Variants in ZFPM2 observed in about 807,000 individuals in gnomAD.
The protein encoded by ZFPM2 is zinc finger protein ZFPM2.
A neutral mutation model predicts 98.6 loss-of-function variants in ZFPM2; 20 were observed. The observed-to-expected ratio is 0.20, with a 90% CI of 0.14 to 0.29. ZFPM2 has a LOEUF of 0.29. ZFPM2 is among the 10% of genes least tolerant of loss of function. ZFPM2 has a pLI of 1.00. For synonymous variants in ZFPM2, 518 were observed against 502.7 expected (o/e 1.03, Z -0.41); for missense variants, 1,310 against 1,388.6 (o/e 0.94, Z 0.90).
At chr8:105,438,868 T>C (rs1277691392) in intron 2 of ZFPM2, among the ~76,000 whole-genome samples, 1 of 152,212 alleles carries the variant, frequency 6.6e-6, no homozygotes, top group African/African-American at 2.4e-5. Flanking sequence ...TCTCTTTTTG[T>C]GCTTCTGGTC....
intron 3 of ZFPM2, among the ~76,000 whole-genome samples, chr8:105,546,034 G>A (rs190164919): frequency 1.3e-5 from 2 of 152,210 alleles, no homozygotes; most frequent in Admixed American, 6.5e-5. Flanking sequence ...CCAGTGTGGG[G>A]TTACTGTGGG....
At chr8:105,505,109 CTT>C (rs1332079858) in intron 3 of ZFPM2, among the ~76,000 whole-genome samples, 1 of 152,100 alleles carries the variant, frequency 6.6e-6, no homozygotes, top group Non-Finnish European at 1.5e-5. Flanking sequence ...AATCCTGACT[CTT>C]GACCACCATT....
chr8:105,686,346 T>C (rs1437736073), intron 5 of ZFPM2, among the ~76,000 whole-genome samples: 1 of 152,068 alleles, frequency 6.6e-6, no homozygotes, highest in Non-Finnish European at 1.5e-5. Flanking sequence ...TAATTTCCTT[T>C]CCATTTTCTC....
intron 5 of ZFPM2, among the ~76,000 whole-genome samples, chr8:105,766,775 T>C (rs1324768760): frequency 6.6e-6 from 1 of 151,812 alleles, no homozygotes; most frequent in African/African-American, 2.4e-5. Context: ...CAGAAGATGA[T>C]TGCTAGACCT....
chr8:105,781,401 T>G (rs1307383227), intron 5 of ZFPM2, among the ~76,000 whole-genome samples: 2 of 152,158 alleles, frequency 1.3e-5, no homozygotes, highest in Non-Finnish European at 2.9e-5. Flanking sequence ...GTTAGCTATT[T>G]TAATGAGGTT....
intron 1 of ZFPM2, among the ~76,000 whole-genome samples, chr8:105,363,156 A>T (rs1810440186): frequency 1.3e-5 from 2 of 152,176 alleles, no homozygotes; most frequent in South Asian, 4.1e-4. Context: ...GATAATTCTT[A>T]GTACCTCTTT....
At position 105,801,097 on chromosome 8, in the gene ZFPM2, G is replaced by T; in HGVS notation, c.1015G>T (p.Val339Phe). ...LPPGASLKCT[V>F]CSYTADSVIN... ...CCCTGGTGCTAGTCTAAAATGCACCGTCTGTAGCTACACTGCTGATTCCGT... is the reference window on the plus strand; with the variant it reads ...CCCTGGTGCTAGTCTAAAATGCACCTTCTGTAGCTACACTGCTGATTCCGT... Residue 339 changes from valine to phenylalanine, a missense_variant, in exon 8 of 8, where the codon GTC becomes TTC. Val to Phe is a conservative substitution (Grantham distance 50, BLOSUM62 -1). Coordinates refer to ENST00000407775, the MANE Select transcript of ZFPM2 (RefSeq NM_012082.4). The T allele has an allele frequency of 6.2e-7, 1 of 1,613,900 alleles. No homozygotes were observed.
At chr8:105,474,606 A>T (rs1256043267) in intron 3 of ZFPM2, among the ~76,000 whole-genome samples, 4 of 152,218 alleles carry the variant, frequency 2.6e-5, no homozygotes, top group African/African-American at 4.8e-5. Context: ...TATAAAAAAG[A>T]ATGAGAATTC....
intron 4 of ZFPM2, among the ~76,000 whole-genome samples, chr8:105,569,252 A>G (rs1043305832): frequency 1.3e-5 from 2 of 152,178 alleles, no homozygotes; most frequent in Non-Finnish European, 2.9e-5. Context: ...AACAATGTCT[A>G]GCTTATACTA....
At chr8:105,535,017 C>T (rs571145073) in intron 3 of ZFPM2, among the ~76,000 whole-genome samples, 1 of 152,254 alleles carries the variant, frequency 6.6e-6, no homozygotes, top group South Asian at 2.1e-4. Context: ...TCTCCTAAGA[C>T]ACAGCATTTG....
At chr8:105,382,973 C>T (rs1810916740) in intron 1 of ZFPM2, among the ~76,000 whole-genome samples, 1 of 151,748 alleles carries the variant, frequency 6.6e-6, no homozygotes, top group Non-Finnish European at 1.5e-5. Flanking sequence ...TATGCTGAAA[C>T]ATAATCATAT....
intron 5 of ZFPM2, among the ~76,000 whole-genome samples, chr8:105,674,097 G>A (rs984714573): frequency 1.3e-5 from 2 of 152,148 alleles, no homozygotes; most frequent in African/African-American, 2.4e-5. Flanking sequence ...AAATTATGTA[G>A]CAGATTATTA....
intron 3 of ZFPM2, among the ~76,000 whole-genome samples, chr8:105,535,827 T>C (rs1465920698): frequency 2.0e-5 from 3 of 152,196 alleles, no homozygotes; most frequent in Non-Finnish European, 1.5e-5. Context: ...ACTTCAGTAT[T>C]CCCAAATGAC....
At chr8:105,582,999 T>C (rs1356001240) in intron 4 of ZFPM2, among the ~76,000 whole-genome samples, 1 of 152,228 alleles carries the variant, frequency 6.6e-6, no homozygotes, top group Non-Finnish European at 1.5e-5. Flanking sequence ...TAATTTGTTA[T>C]TAAGAAATAC....
At chr8:105,549,538 C>T (rs1340238042) in intron 3 of ZFPM2, among the ~76,000 whole-genome samples, 1 of 124,224 alleles carries the variant, frequency 8.0e-6, no homozygotes, top group Non-Finnish European at 1.7e-5. Flanking sequence ...TTCCTTCCTT[C>T]CTTCCTTCCT....
At chr8:105,764,482 C>T (rs1238837284) in intron 5 of ZFPM2, among the ~76,000 whole-genome samples, 1 of 151,252 alleles carries the variant, frequency 6.6e-6, no homozygotes, top group Non-Finnish European at 1.5e-5. Context: ...TTTTTTACTT[C>T]CGTTTTTCAA....
chr8:105,482,668 T>A lies in ZFPM2; in HGVS notation c.301+38287T>A, dbSNP rs1188616913. On this transcript the variant is annotated intron_variant, in intron 3 of 7. Transcript: ENST00000407775. ...AAAATCTATCATTATTCAACATCTA[T>A]AGTCTTCTTCCAAATATGCAGACTT... Among the ~76,000 whole-genome samples the A allele has an allele frequency of 2.0e-5, 3 of 152,312 alleles. No homozygotes were observed. In the East Asian group the frequency reaches 5.8e-4, roughly 29 times the overall value.
chr8:105,650,263 C>A (rs186316068), intron 5 of ZFPM2, among the ~76,000 whole-genome samples: 40 of 152,156 alleles, frequency 2.6e-4, no homozygotes, highest in African/African-American at 9.6e-4. Context: ...TGATTCTTCT[C>A]TCTTTCCTTC....
chr8:105,734,514 T>C (rs960720891), intron 5 of ZFPM2, among the ~76,000 whole-genome samples: 4 of 152,026 alleles, frequency 2.6e-5, no homozygotes, highest in South Asian at 2.1e-4. Flanking sequence ...ATCCACGAGA[T>C]GGTTAATTCC....
Sources: gnomAD v4.1 joint callset for allele counts (sites outside exome capture counted in the v4.1 genomes callset) on GRCh38, gnomAD v4.1.1 for gene constraint, MANE v1.5 for transcripts, NCBI Gene and HGNC (gene_info 2026-07-23, HGNC 2026-07-21) for gene names.